Variants in OCA2 observed in about 807,000 individuals in gnomAD.
The protein encoded by OCA2 is P protein.
In OCA2, 77 loss-of-function variants were observed where a neutral mutation model predicts 100.2. The observed-to-expected ratio is 0.77, with a 90% CI of 0.64 to 0.93. OCA2 has a LOEUF of 0.93. Ranked by LOEUF, OCA2 falls within the 40% of genes least tolerant of loss-of-function variation. The pLI, the probability that OCA2 is intolerant of heterozygous loss-of-function variation, is 0.00. For missense variants in OCA2, 1,062 were observed against 1,089.1 expected, an observed-to-expected ratio of 0.98 and a Z score of 0.35; for synonymous variants, 432 against 439.2, an observed-to-expected ratio of 0.98 and a Z score of 0.21.
chr15:27,805,378 C>T (rs765622040), intron 23 of OCA2, among the ~76,000 whole-genome samples: 3 of 152,354 alleles, frequency 2.0e-5, no homozygotes, highest in African/African-American at 2.4e-5. Context: ...TGCGAGGCAG[C>T]GACAGGAAAA....
At chr15:27,743,961 T>C in the OCA2 span, among the ~76,000 whole-genome samples, 1 of 152,180 alleles carries the variant, frequency 6.6e-6, no homozygotes, top group Admixed American at 6.5e-5. Flanking sequence ...CCACAAATGC[T>C]TCCCTGTAAC....
intron 6 of OCA2, among the ~76,000 whole-genome samples, chr15:28,021,427 G>A: frequency 6.6e-6 from 1 of 152,334 alleles, no homozygotes; most frequent in South Asian, 2.1e-4. Flanking sequence ...AGCAAAACAG[G>A]TGACTGTAGG....
In OCA2 at chr15:28,018,551, T is replaced by C. The variant is rs2042479605; in HGVS notation, c.653A>G (p.Asn218Ser). 6.2e-7 allele frequency: 1 copy of C among 1,612,684 alleles called. No homozygotes were observed. Among genetic ancestry groups the C allele is most frequent in the Non-Finnish European group, 8.5e-7 (1 of 1,179,742 alleles). The change falls in exon 7 of 24, where the codon AAC becomes AGC. Residue 218 changes from asparagine to serine, a missense_variant. Transcript: ENST00000354638. ...CGTGGAGTCCACGTGGCTGCTAAGG[T>C]TCACGGCTCGGAGAGTGTCAAGGAG... Reference protein sequence around the residue: ...ALSPLENYSVNLSSHVDSTLL... With the variant: ...ALSPLENYSVSLSSHVDSTLL...
At chr15:28,025,163 G>C (rs1273612159) in intron 4 of OCA2, among the ~76,000 whole-genome samples, 1 of 152,156 alleles carries the variant, frequency 6.6e-6, no homozygotes, top group Non-Finnish European at 1.5e-5. Context: ...GGAAACTAAA[G>C]TTCAAGATTT....
intron 23 of OCA2, among the ~76,000 whole-genome samples, chr15:27,764,828 A>T (rs564795951): frequency 6.6e-6 from 1 of 152,336 alleles, no homozygotes; most frequent in African/African-American, 2.4e-5. Context: ...CTTGAGGTGA[A>T]TCCATAGAGT....
chr15:27,736,628 T>C, the OCA2 span, among the ~76,000 whole-genome samples: 1 of 152,096 alleles, frequency 6.6e-6, no homozygotes, highest in Non-Finnish European at 1.5e-5. Flanking sequence ...CCCATTAGTA[T>C]GTTTACAAAT....
At chr15:27,741,061 T>C in the OCA2 span, among the ~76,000 whole-genome samples, 82 of 152,350 alleles carry the variant, frequency 5.4e-4, no homozygotes, top group African/African-American at 1.7e-3. Context: ...AGCAAGGCTT[T>C]CCAGCACATC....
chr15:27,778,355 A>G (rs1004409262), intron 23 of OCA2, among the ~76,000 whole-genome samples: 12 of 152,198 alleles, frequency 7.9e-5, no homozygotes, highest in African/African-American at 2.9e-4. Context: ...GGAGAATGTG[A>G]CCATCAAAAA....
At chr15:27,875,010 C>CTAAG (rs1300893010) in intron 19 of OCA2, among the ~76,000 whole-genome samples, 17 of 152,040 alleles carry the variant, frequency 1.1e-4, no homozygotes, top group Non-Finnish European at 2.9e-5. Context: ...AAATCAAAAG[C>CTAAG]TAAGTATCCA....
the OCA2 span, among the ~76,000 whole-genome samples, chr15:27,746,182 A>T: frequency 3.3e-5 from 5 of 152,180 alleles, no homozygotes; most frequent in Non-Finnish European, 5.9e-5. Flanking sequence ...TTTTGGCTGG[A>T]CGCAGTGGCT....
chr15:28,066,471 C>G (rs1437385046), intron 2 of OCA2, among the ~76,000 whole-genome samples: 1 of 152,102 alleles, frequency 6.6e-6, no homozygotes, highest in Non-Finnish European at 1.5e-5. Context: ...AATTCAGGCA[C>G]AGCTGATTAG....
intron 19 of OCA2, among the ~76,000 whole-genome samples, chr15:27,919,663 G>A (rs751094644): frequency 1.4e-4 from 21 of 152,158 alleles, no homozygotes; most frequent in Admixed American, 1.1e-3. Context: ...TTTTAGGGCA[G>A]TGGAACTACT....
At chr15:28,010,109 A>C (rs1275340662) in intron 9 of OCA2, among the ~76,000 whole-genome samples, 1 of 152,202 alleles carries the variant, frequency 6.6e-6, no homozygotes, top group East Asian at 1.9e-4. Context: ...CCATATGAGC[A>C]CATCAGTTGA....
At chr15:27,974,638 T>C (rs2040907886) in intron 14 of OCA2, among the ~76,000 whole-genome samples, 1 of 152,102 alleles carries the variant, frequency 6.6e-6, no homozygotes, top group African/African-American at 2.4e-5. Flanking sequence ...CGTGGTGGTA[T>C]GCACCTGTAA....
At chr15:27,752,480 C>T (rs1447363948), downstream of OCA2, among the ~76,000 whole-genome samples, 3 of 152,146 alleles carry the variant, frequency 2.0e-5, no homozygotes, top group Non-Finnish European at 4.4e-5. Flanking sequence ...TTTAGTGTCT[C>T]CTTTCTTCAG....
chr15:27,783,109 A>C (rs975240191), intron 23 of OCA2, among the ~76,000 whole-genome samples: 1 of 152,236 alleles, frequency 6.6e-6, no homozygotes, highest in Non-Finnish European at 1.5e-5. Context: ...ATAATCTATG[A>C]CTATTTCATT....
At chr15:27,931,040 C>A (rs577022674) in intron 18 of OCA2, among the ~76,000 whole-genome samples, 18 of 152,120 alleles carry the variant, frequency 1.2e-4, no homozygotes, top group Non-Finnish European at 2.5e-4. Flanking sequence ...CACTACAGAG[C>A]TAGCCATCTC....
intron 23 of OCA2, among the ~76,000 whole-genome samples, chr15:27,778,553 T>C (rs1265250924): frequency 2.0e-5 from 3 of 152,038 alleles, no homozygotes; most frequent in African/African-American, 7.2e-5. Flanking sequence ...TTTAAAGCTA[T>C]AACGTTCTGC....
intron 9 of OCA2, among the ~76,000 whole-genome samples, chr15:28,008,894 C>G (rs554065807): frequency 5.3e-4 from 80 of 152,350 alleles, no homozygotes; most frequent in South Asian, 8.3e-4. Flanking sequence ...CTGAGTAGAG[C>G]AGGATGCAGA....
Sources: gnomAD v4.1 joint callset for allele counts (sites outside exome capture counted in the v4.1 genomes callset) on GRCh38, gnomAD v4.1.1 for gene constraint, MANE v1.5 for transcripts, NCBI Gene and HGNC (gene_info 2026-07-23, HGNC 2026-07-21) for gene names.